PDLIM5: variants seen among roughly 807,000 people sequenced by gnomAD.
PDLIM5 encodes PDZ and LIM domain 5.
In PDLIM5, 34 loss-of-function variants were observed where a neutral mutation model predicts 64.2. That is an observed-to-expected ratio of 0.53 (90% CI 0.40 to 0.71). The LOEUF is 0.71. PDLIM5 is among the 30% of genes least tolerant of loss of function. PDLIM5 has a pLI of 0.00. For synonymous variants in PDLIM5, 253 were observed against 269.1 expected, an observed-to-expected ratio of 0.94 and a Z score of 0.59; for missense variants, 683 against 733.6, an observed-to-expected ratio of 0.93 and a Z score of 0.80.
At chr4:94,495,325 A>T (rs1286660643) in intron 2 of PDLIM5, among the ~76,000 whole-genome samples, 1 of 152,204 alleles carries the variant, frequency 6.6e-6, no homozygotes, top group Admixed American at 6.5e-5. Context: ...TCCGAGTTTT[A>T]TACTATCTAA....
intron 8 of PDLIM5, among the ~76,000 whole-genome samples, chr4:94,639,776 C>T (rs1235802216): frequency 6.6e-6 from 1 of 152,136 alleles, no homozygotes; most frequent in East Asian, 1.9e-4. Context: ...TTTACCTTAA[C>T]CATGTCTTCT....
chr4:94,646,285 G>A (rs930309038), intron 9 of PDLIM5, among the ~76,000 whole-genome samples: 9 of 152,120 alleles, frequency 5.9e-5, no homozygotes, highest in African/African-American at 2.2e-4. Context: ...CAGTAGGGTG[G>A]GCCTTAATTA....
chr4:94,662,985 A>T (rs35338416), intron 12 of PDLIM5, among the ~76,000 whole-genome samples: 1 of 152,104 alleles, frequency 6.6e-6, no homozygotes, highest in Non-Finnish European at 1.5e-5. Flanking sequence ...TAGCCCCTGG[A>T]TATTCTTTTC....
chr4:94,564,701 G>A (rs1425650188), intron 3 of PDLIM5, among the ~76,000 whole-genome samples: 5 of 120,354 alleles, frequency 4.2e-5, no homozygotes, highest in Non-Finnish European at 8.1e-5. Flanking sequence ...TGTCTCCCAG[G>A]CTGGAGTGCA....
chr4:94,661,834 T>TC (rs1742745061), intron 11 of PDLIM5, among the ~76,000 whole-genome samples: 1 of 152,114 alleles, frequency 6.6e-6, no homozygotes, highest in Non-Finnish European at 1.5e-5. Flanking sequence ...TTTTTTTTTT[T>TC]TTCTTTAAGA....
chr4:94,464,773 T>G (rs1724203431), intron 2 of PDLIM5, among the ~76,000 whole-genome samples: 1 of 152,214 alleles, frequency 6.6e-6, no homozygotes, highest in African/African-American at 2.4e-5. Context: ...TTTGTTTAAA[T>G]GTACCTCTGT....
At chr4:94,560,207 C>T (rs146344669) in intron 3 of PDLIM5, among the ~76,000 whole-genome samples, 282 of 152,248 alleles carry the variant, frequency 1.9e-3, no homozygotes, top group African/African-American at 6.4e-3. Context: ...TCATTGAGTT[C>T]ACCTTGGTGA....
intron 8 of PDLIM5, among the ~76,000 whole-genome samples, chr4:94,619,783 A>G (rs1204100586): frequency 6.6e-6 from 1 of 152,016 alleles, no homozygotes; most frequent in Non-Finnish European, 1.5e-5. Context: ...GCTGGGAATT[A>G]TTATTATTAT....
At chr4:94,656,379 ATATC>A (rs1291406205) in intron 10 of PDLIM5, among the ~76,000 whole-genome samples, 2 of 151,984 alleles carry the variant, frequency 1.3e-5, no homozygotes, top group African/African-American at 4.8e-5. Flanking sequence ...TTACTAACTA[ATATC>A]TGGCCCAAAT....
At chr4:94,640,494 TG>T in intron 9 of PDLIM5, 44 bp downstream of exon 9, 1 of 1,195,542 alleles carries the variant, frequency 8.4e-7, no homozygotes, top group Non-Finnish European at 1.1e-6. Flanking sequence ...TTAATATCAA[TG>T]TTGGGTTTTT....
intron 3 of PDLIM5, among the ~76,000 whole-genome samples, chr4:94,569,178 T>G (rs527640734): frequency 6.6e-6 from 1 of 152,298 alleles, no homozygotes; most frequent in African/African-American, 2.4e-5. Flanking sequence ...TGGAAAGCCA[T>G]TTTGCTTGGG....
At chr4:94,489,943 A>G (rs545346536) in intron 2 of PDLIM5, among the ~76,000 whole-genome samples, 6 of 152,044 alleles carry the variant, frequency 3.9e-5, no homozygotes, top group South Asian at 2.1e-4. Flanking sequence ...TATCATGGGT[A>G]TGTGTCCAGG....
At chr4:94,599,765 A>T (rs916645031) in intron 7 of PDLIM5, among the ~76,000 whole-genome samples, 1 of 152,164 alleles carries the variant, frequency 6.6e-6, no homozygotes, top group Non-Finnish European at 1.5e-5. Flanking sequence ...GGAAGGCCCT[A>T]TAGTGAATGG....
At chr4:94,575,531 A>C (rs1027706418) in intron 4 of PDLIM5, 85 bp from the exon 5 acceptor site, 127 of 959,480 alleles carry the variant, frequency 1.3e-4, no homozygotes, top group Non-Finnish European at 1.9e-4. Flanking sequence ...GTCTTTTAAA[A>C]AATCAGCTCT....
At chr4:94,573,031 T>G (rs1377656475) in intron 3 of PDLIM5, among the ~76,000 whole-genome samples, 1 of 152,164 alleles carries the variant, frequency 6.6e-6, no homozygotes. Context: ...TTTACCCTTT[T>G]AGGTGGGGGG....
intron 9 of PDLIM5, among the ~76,000 whole-genome samples, chr4:94,649,694 A>G (rs1741691941): frequency 6.6e-6 from 1 of 152,226 alleles, no homozygotes; most frequent in African/African-American, 2.4e-5. Flanking sequence ...ACTTTTAAAT[A>G]TTTGTAGAAT....
chr4:94,561,488 A>G (rs1459874223), intron 3 of PDLIM5, among the ~76,000 whole-genome samples: 1 of 152,240 alleles, frequency 6.6e-6, no homozygotes, highest in African/African-American at 2.4e-5. Context: ...TGCTAGAGTT[A>G]TATGCGTGCT....
chr4:94,521,985 C>G lies in PDLIM5; in HGVS notation c.97-1739C>G, dbSNP rs185966370. On this transcript the variant is annotated intron_variant, in intron 2 of 12. Transcript: ENST00000317968. ...AGGGAATAGATGTCCCTTTGTCTCA[C>G]AGAAGTCTTCCAGATTTGACTTTTA... is the stretch of plus-strand genomic sequence containing the variant. 1.1e-3 allele frequency among the ~76,000 whole-genome samples: 169 copies of G among 152,252 alleles called. 1 individual carries two copies. Among genetic ancestry groups the G allele is most frequent in the Middle Eastern group, 6.8e-3 (2 of 294 alleles).
chr4:94,475,156 T>C (rs954673379), intron 2 of PDLIM5, among the ~76,000 whole-genome samples: 1 of 151,992 alleles, frequency 6.6e-6, no homozygotes, highest in Non-Finnish European at 1.5e-5. Flanking sequence ...TTTTTTTTTT[T>C]ACCTAAAGGA....
Sources: allele counts gnomAD v4.1 joint callset (sites outside exome capture counted in the v4.1 genomes callset), GRCh38; gene constraint gnomAD v4.1.1; transcripts MANE v1.5; gene names NCBI Gene and HGNC (gene_info 2026-07-23, HGNC 2026-07-21).